The following MOK variants were observed in gnomAD, a reference collection of about 807,000 sequenced individuals.
MOK encodes the protein MOK protein kinase, also known as MAPK/MAK/MRK overlapping kinase.
A neutral mutation model predicts 54.2 loss-of-function variants in MOK; 59 were observed. The ratio of observed to expected loss-of-function variants is 1.09; its 90% confidence interval spans 0.88 to 1.35. The LOEUF (loss-of-function observed/expected upper bound fraction) is 1.35, where lower values mean the gene tolerates loss of function less well. Ranked by LOEUF, MOK falls within the 40% of genes most tolerant of loss-of-function variation. The pLI is 0.00. For synonymous variants in MOK, 210 were observed against 202.7 expected (o/e 1.04, Z -0.31); for missense variants, 517 against 526.2 (o/e 0.98, Z 0.17).
intron 2 of MOK, among the ~76,000 whole-genome samples, chr14:102,275,219 G>C (rs1305382291): frequency 6.6e-6 from 1 of 152,028 alleles, no homozygotes; most frequent in Non-Finnish European, 1.5e-5. Context: ...TATTCATTTG[G>C]GGGAAAAAAC....
intron 3 of MOK, 145 bp from the exon 4 acceptor site, chr14:102,263,761 AG>A: frequency 2.1e-6 from 1 of 474,804 alleles, no homozygotes; most frequent in Non-Finnish European, 3.6e-6. Context: ...GAAACAGTAA[AG>A]GTTTTGATTT....
At chr14:102,271,965 A>G (rs150146705) in intron 2 of MOK, among the ~76,000 whole-genome samples, 3 of 152,084 alleles carry the variant, frequency 2.0e-5, no homozygotes, top group East Asian at 3.9e-4. Context: ...TGCAGCCTTG[A>G]CCTCCTGATC....
chr14:102,276,541 G>T (rs772566773), intron 2 of MOK, among the ~76,000 whole-genome samples: 3 of 151,698 alleles, frequency 2.0e-5, no homozygotes, highest in Non-Finnish European at 4.4e-5. Flanking sequence ...TTTGAGAAAA[G>T]GCTTGTCAGT....
Position 102,229,543 on chromosome 14 carries a change from G to T in MOK, c.1096C>A (p.Pro366Thr), listed in dbSNP as rs1367315929. 1 of 1,614,168 alleles carries T rather than the reference G, an allele frequency of 6.2e-7. No homozygotes were observed. ...GATCCAAGCACGGACTGCAGCGTGG[G>T]GCTGGAGTAAGACGACAGTCTGACC... ...GVVRLSSYSS[P>T]TLQSVLGSGT... The change falls in exon 11 of 12, where the codon CCC becomes ACC. Residue 366 changes from proline (P) to threonine (T), a missense_variant. By Grantham distance (38) the Pro-to-Thr change is conservative. Transcript: ENST00000361847.
chr14:102,221,748 G>C (rs28540894), downstream of MOK, among the ~76,000 whole-genome samples: 1 of 152,132 alleles, frequency 6.6e-6, no homozygotes, highest in Non-Finnish European at 1.5e-5. The surrounding 1 kb of genome is among the most constrained non-coding windows in gnomAD (Gnocchi z 4.8). Context: ...GGCAGTTTCC[G>C]ATTGTCACCT....
chr14:102,248,355 C>A (rs902301455), intron 7 of MOK, among the ~76,000 whole-genome samples: 1 of 150,794 alleles, frequency 6.6e-6, no homozygotes, highest in South Asian at 2.1e-4. Context: ...TACAAACCAT[C>A]CAGAACTCAC....
chr14:102,251,154 G>A (rs1453564477), intron 6 of MOK, among the ~76,000 whole-genome samples, 164 bp from the exon 7 acceptor site: 2 of 152,250 alleles, frequency 1.3e-5, no homozygotes, highest in African/African-American at 2.4e-5. Flanking sequence ...GCCTCCAGCA[G>A]ATGAGGAAGT....
At chr14:102,248,733 G>C (rs1303604644) in intron 7 of MOK, among the ~76,000 whole-genome samples, 1 of 144,754 alleles carries the variant, frequency 6.9e-6, no homozygotes, top group African/African-American at 2.6e-5. Context: ...AGCCCAGATC[G>C]CGCCACTGCA....
At chr14:102,223,025 G>A (rs2064096473), downstream of MOK, 8 of 955,570 alleles carry the variant, frequency 8.4e-6, no homozygotes, top group South Asian at 1.5e-5. Context: ...ACGGTGACCG[G>A]CTCACTCTGC....
chr14:102,264,210 CAAAAAAAAAAAAA>C (rs66463478), intron 3 of MOK: 1 of 88,708 alleles, frequency 1.1e-5, no homozygotes, highest in Admixed American at 1.3e-4. Context: ...GACCCTGTCT[CAAAAAAAAAAAAA>C]AAAAAAAGAA....
At chr14:102,303,733 A>G (rs1189185217) in intron 1 of MOK, among the ~76,000 whole-genome samples, 1 of 152,240 alleles carries the variant, frequency 6.6e-6, no homozygotes, top group African/African-American at 2.4e-5. Flanking sequence ...TTAGTAGTCT[A>G]CAACTAACTC....
chr14:102,226,901 C>T (rs1009497881), downstream of MOK, among the ~76,000 whole-genome samples: 1 of 152,170 alleles, frequency 6.6e-6, no homozygotes, highest in African/African-American at 2.4e-5. The surrounding 1 kb of genome is among the most constrained non-coding windows in gnomAD (Gnocchi z 4.8). Flanking sequence ...GGCCCAGCTG[C>T]CCTGGGCCCT....
chr14:102,271,648 T>G (rs941811711), intron 2 of MOK, among the ~76,000 whole-genome samples: 2 of 151,930 alleles, frequency 1.3e-5, no homozygotes, highest in African/African-American at 4.8e-5. Flanking sequence ...AAACTCTGCC[T>G]CCAGGGTTCA....
chr14:102,220,058 G>A (rs1470017736), downstream of MOK, among the ~76,000 whole-genome samples: 2 of 152,264 alleles, frequency 1.3e-5, no homozygotes, highest in African/African-American at 4.8e-5. This position sits in a 1 kb window ranked among gnomAD's most constrained non-coding sequence, Gnocchi z 4.2. Flanking sequence ...CAGCCCTCGC[G>A]TTGGGTCGCT....
chr14:102,295,810 C>T (rs2071358751), intron 1 of MOK, among the ~76,000 whole-genome samples: 1 of 152,136 alleles, frequency 6.6e-6, no homozygotes, highest in South Asian at 2.1e-4. Flanking sequence ...CCAGTAAGTC[C>T]ACTGTTAATA....
At chr14:102,273,946 T>A in intron 2 of MOK, among the ~76,000 whole-genome samples, 1 of 151,994 alleles carries the variant, frequency 6.6e-6, no homozygotes, top group Non-Finnish European at 1.5e-5. Flanking sequence ...ATAATCTCAA[T>A]AGTTTTTTTT....
chr14:102,297,139 C>T (rs1044592572), intron 1 of MOK, among the ~76,000 whole-genome samples: 2 of 151,912 alleles, frequency 1.3e-5, no homozygotes, highest in African/African-American at 2.4e-5. Flanking sequence ...GGGCAGATCA[C>T]GAGGTCAGGA....
At chr14:102,260,847 C>T (rs1027272221) in intron 4 of MOK, among the ~76,000 whole-genome samples, 3 of 152,046 alleles carry the variant, frequency 2.0e-5, no homozygotes, top group Non-Finnish European at 4.4e-5. Context: ...TAAGGCTGGG[C>T]GCAGTGGCTC....
At position 102,245,763 on chromosome 14, in the gene MOK, T is replaced by G. The variant is rs1023670359; in HGVS notation, c.590+5049A>C. On this transcript the variant is annotated intron_variant, in intron 7 of 11. Coordinates refer to ENST00000361847, the MANE Select transcript of MOK (RefSeq NM_014226.3). The surrounding 1 kb of genome is among the most constrained non-coding windows in gnomAD (Gnocchi z 4.3). Reference sequence around the variant, plus strand: ...TTGGTGGTCTTTTCACATGGACGTGTGTGACACTTACAACCCCTACTGCAG... The same window carrying G: ...TTGGTGGTCTTTTCACATGGACGTGGGTGACACTTACAACCCCTACTGCAG... Among the ~76,000 whole-genome samples, 2 of 152,136 alleles carry G rather than the reference T, an allele frequency of 1.3e-5. No individual in the cohort carries two copies. The highest frequency in any genetic ancestry group is 2.9e-5 in the Non-Finnish European group (2 of 68,026).
Sources: allele counts gnomAD v4.1 joint callset (sites outside exome capture counted in the v4.1 genomes callset), GRCh38; gene constraint gnomAD v4.1.1; non-coding constraint Gnocchi (gnomAD v3.1); transcripts MANE v1.5; gene names NCBI Gene and HGNC (gene_info 2026-07-23, HGNC 2026-07-21).